CYP4F22: variants seen among roughly 807,000 people sequenced by gnomAD.
CYP4F22 encodes cytochrome P450 family 4 subfamily F member 22, also known as ultra-long-chain fatty acid omega-hydroxylase.
CYP4F22 carries 37 observed loss-of-function variants against 60.4 expected under a neutral mutation model. The observed-to-expected ratio is 0.61, with a 90% confidence interval of 0.47 to 0.81. The LOEUF (loss-of-function observed/expected upper bound fraction) is 0.81, where lower values mean the gene tolerates loss of function less well. Among genes scored for constraint, CYP4F22 ranks in the 30% least tolerant of loss-of-function variants. The probability of loss-of-function intolerance (pLI) is 0.00; values close to 1 mark genes in which losing one functional copy is unlikely to be tolerated. For missense variants in CYP4F22, 655 were observed against 715.0 expected (o/e 0.92, Z 0.96); for synonymous variants, 258 against 280.5 (o/e 0.92, Z 0.80).
chr19:15,546,226 T>C (rs1971524600), intron 10 of CYP4F22, among the ~76,000 whole-genome samples: 1 of 152,134 alleles, frequency 6.6e-6, no homozygotes, highest in Non-Finnish European at 1.5e-5. Flanking sequence ...TCCTCTTACT[T>C]TGGCCTCCCA....
At chr19:15,521,152 C>T (rs562157656) in intron 1 of CYP4F22, among the ~76,000 whole-genome samples, 2 of 151,890 alleles carry the variant, frequency 1.3e-5, no homozygotes, top group East Asian at 3.9e-4. Context: ...TTTTGAAGGC[C>T]GAATAGTATT....
chr19:15,510,466 G>T (rs752722081), intron 1 of CYP4F22, among the ~76,000 whole-genome samples: 4 of 152,118 alleles, frequency 2.6e-5, no homozygotes, highest in Non-Finnish European at 1.5e-5. Flanking sequence ...AATGGATGAA[G>T]AAATTGAGGC....
At chr19:15,512,399 T>C (rs974160684) in intron 1 of CYP4F22, among the ~76,000 whole-genome samples, 4 of 152,148 alleles carry the variant, frequency 2.6e-5, no homozygotes, top group Admixed American at 6.6e-5. Context: ...TGGCAAGATT[T>C]TGGCTCATTG....
intron 8 of CYP4F22, among the ~76,000 whole-genome samples, chr19:15,541,190 T>G (rs1971458257): frequency 6.6e-6 from 1 of 152,208 alleles, no homozygotes. Flanking sequence ...TGGGCTGCTA[T>G]TACAAAGTAC....
At chr19:15,517,327 G>C (rs1971167537) in intron 1 of CYP4F22, among the ~76,000 whole-genome samples, 1 of 152,252 alleles carries the variant, frequency 6.6e-6, no homozygotes, top group Non-Finnish European at 1.5e-5. Context: ...GAAACTGGAG[G>C]CTTCCAGAGA....
intron 1 of CYP4F22, among the ~76,000 whole-genome samples, chr19:15,515,031 G>A (rs1185323640): frequency 1.3e-5 from 2 of 152,166 alleles, no homozygotes; most frequent in African/African-American, 4.8e-5. Flanking sequence ...AGACCAAACA[G>A]GAAGGTGCCC....
chr19:15,509,939 TTC>T (rs1971069719), intron 1 of CYP4F22, among the ~76,000 whole-genome samples: 1 of 137,936 alleles, frequency 7.2e-6, no homozygotes, highest in Non-Finnish European at 1.5e-5. Context: ...CTTTCTTTCT[TTC>T]TTTCTTTTCT....
intron 10 of CYP4F22, among the ~76,000 whole-genome samples, chr19:15,547,011 T>C (rs2144543568): frequency 7.1e-6 from 1 of 141,610 alleles, no homozygotes; most frequent in Middle Eastern, 3.5e-3. Flanking sequence ...ATGCCTGGCC[T>C]GCACCAGTTT....
chr19:15,551,305 G>A lies in CYP4F22; in HGVS notation c.1430G>A (p.Gly477Glu). ...CCCTCTTCCTCCAGGAATTGCATCG[G>A]ACAGAGCTTCGCCATGGCCGAGTTG... ...PFSAGPRNCI[G>E]QSFAMAELRV... Residue 477 changes from glycine to glutamate, a missense_variant, in exon 14 of 14, where the codon GGA becomes GAA. Coordinates refer to ENST00000269703, the MANE Select transcript of CYP4F22 (RefSeq NM_173483.4). The A allele has an allele frequency of 6.2e-7, 1 of 1,612,856 alleles. No homozygotes were observed. Among genetic ancestry groups the A allele is most frequent in the African/African-American group, 1.3e-5 (1 of 75,014 alleles).
chr19:15,532,078 A>G (rs1971348825), intron 4 of CYP4F22, among the ~76,000 whole-genome samples: 1 of 152,082 alleles, frequency 6.6e-6, no homozygotes, highest in African/African-American at 2.4e-5. Flanking sequence ...TGCATCCAGC[A>G]TGGGCAACAG....
At chr19:15,549,254 C>T (rs772734771) in intron 12 of CYP4F22, 52 bp downstream of exon 12, 13 of 1,591,106 alleles carry the variant, frequency 8.2e-6, no homozygotes, top group African/African-American at 2.7e-5. Flanking sequence ...CTCCCCTGCG[C>T]CCCAGGGAGC....
At chr19:15,515,110 T>TG (rs1971138120) in intron 1 of CYP4F22, among the ~76,000 whole-genome samples, 2 of 152,138 alleles carry the variant, frequency 1.3e-5, no homozygotes, top group Non-Finnish European at 1.5e-5. Context: ...CAAAGGCAGC[T>TG]GGTATTGCGT....
At chr19:15,512,992 T>TTCTCTC (rs146066093) in intron 1 of CYP4F22, among the ~76,000 whole-genome samples, 17 of 148,082 alleles carry the variant, frequency 1.1e-4, no homozygotes, top group Non-Finnish European at 1.2e-4. Flanking sequence ...CTCAAAGCTT[T>TTCTCTC]TCTCTCTCTC....
At chr19:15,511,805 G>C (rs1971095592) in intron 1 of CYP4F22, among the ~76,000 whole-genome samples, 1 of 152,186 alleles carries the variant, frequency 6.6e-6, no homozygotes, top group Non-Finnish European at 1.5e-5. Flanking sequence ...ACTCCTTCTT[G>C]GGAGCCCACA....
chr19:15,519,058 G>A (rs917776335), intron 1 of CYP4F22, among the ~76,000 whole-genome samples: 2 of 152,054 alleles, frequency 1.3e-5, no homozygotes, highest in African/African-American at 4.8e-5. Context: ...TGCCCCCAGG[G>A]GGATGTTCAG....
chr19:15,520,345 C>CA (rs1200559538), intron 1 of CYP4F22, among the ~76,000 whole-genome samples: 850 of 71,794 alleles, frequency 0.012, 12 homozygotes, highest in South Asian at 0.049. Flanking sequence ...GCCTCCATCT[C>CA]AAAAAAAAAA....
At chr19:15,533,368 C>T (rs1971363067) in intron 4 of CYP4F22, among the ~76,000 whole-genome samples, 1 of 151,424 alleles carries the variant, frequency 6.6e-6, no homozygotes, top group Non-Finnish European at 1.5e-5. Flanking sequence ...TTTTAGTCAC[C>T]TCATAAAAAA....
intron 4 of CYP4F22, among the ~76,000 whole-genome samples, chr19:15,535,703 C>T (rs1184085278): frequency 2.6e-5 from 4 of 152,152 alleles, no homozygotes; most frequent in Non-Finnish European, 5.9e-5. Context: ...ATCTATCCAT[C>T]TGCTATTCAT....
At chr19:15,518,647 C>CA (rs748509278) in intron 1 of CYP4F22, among the ~76,000 whole-genome samples, 1,568 of 23,052 alleles carry the variant, frequency 0.068, 162 homozygotes, top group African/African-American at 0.16. Context: ...GACTTTGTCT[C>CA]AAAAAAAAAA....
Sources: gnomAD v4.1 joint callset for allele counts (sites outside exome capture counted in the v4.1 genomes callset) on GRCh38, gnomAD v4.1.1 for gene constraint, MANE v1.5 for transcripts, NCBI Gene and HGNC (gene_info 2026-07-23, HGNC 2026-07-21) for gene names.